The following NELFE variants were observed in gnomAD, a reference collection of about 807,000 sequenced individuals.
The protein encoded by NELFE is negative elongation factor complex member E, also known as negative elongation factor E.
Under a neutral mutation model 55.5 loss-of-function variants are expected in NELFE, and 26 were observed. The observed-to-expected ratio is 0.47, with a 90% CI of 0.34 to 0.65. The LOEUF (loss-of-function observed/expected upper bound fraction) is 0.65. Among genes scored for constraint, NELFE ranks in the 30% least tolerant of loss-of-function variants. NELFE has a pLI of 0.01. For missense variants in NELFE, 403 were observed against 506.9 expected (o/e 0.80, Z 1.97); for synonymous variants, 162 against 178.0 (o/e 0.91, Z 0.72).
In NELFE at chr6:31,954,175, C is replaced by T; in HGVS notation, c.888-41G>A. ...ACACGGTCAGTGGAGAGCCAAGGGGCTCTTCTGGACCCAACCAAACCCAGT... is the reference window on the plus strand; with the variant it reads ...ACACGGTCAGTGGAGAGCCAAGGGGTTCTTCTGGACCCAACCAAACCCAGT... On this transcript the variant is annotated intron_variant, in intron 8 of 10. Transcript: ENST00000375429. This position sits in a 1 kb window ranked among gnomAD's most constrained non-coding sequence, Gnocchi z 5.5. The T allele has an allele frequency of 6.2e-7, 1 of 1,612,994 alleles. No homozygotes were observed.
rs1211875070 is a variant in NELFE, at chr6:31,954,896, G to A, written c.405-4C>T. The A allele has an allele frequency of 1.3e-6, 2 of 1,568,446 alleles. No individual in the cohort carries two copies. Among genetic ancestry groups the A allele is most frequent in the Non-Finnish European group, 1.7e-6 (2 of 1,158,988 alleles). On this transcript the variant is annotated splice_polypyrimidine_tract_variant and splice_region_variant and intron_variant, in intron 6 of 10. Coordinates refer to ENST00000375429, the MANE Select transcript of NELFE (RefSeq NM_002904.6). This position sits in a 1 kb window ranked among gnomAD's most constrained non-coding sequence, Gnocchi z 5.5. ...TCGATCACTAGAAGACACAAAGCTG[G>A]GGAGATGCAGACTGAAGATCAAAGG... is the stretch of plus-strand genomic sequence containing the variant.
Position 31,952,103 on chromosome 6 carries a change from T to G in NELFE, c.*198A>C. Reference sequence around the variant, plus strand: ...GACAACACCTGTGTTCCAGATCCTTTTGGGGCAAGGGAGTGGGGAACAGGC... The same window carrying G: ...GACAACACCTGTGTTCCAGATCCTTGTGGGGCAAGGGAGTGGGGAACAGGC... On this transcript the variant is annotated 3_prime_UTR_variant, in exon 11 of 11. Transcript: ENST00000375429. 1 of 1,597,358 alleles carries G rather than the reference T, an allele frequency of 6.3e-7. No homozygotes were observed. The highest frequency in any genetic ancestry group is 8.6e-7 in the Non-Finnish European group (1 of 1,169,448).
intron 4 of NELFE, 142 bp downstream of exon 4, chr6:31,956,551 T>G: frequency 2.2e-6 from 2 of 893,058 alleles, no homozygotes; most frequent in Non-Finnish European, 3.4e-6. Context: ...AGTCGTCTAG[T>G]TTTTTCATTT....
At chr6:31,952,728 T>C (rs1771847033) in intron 10 of NELFE, among the ~76,000 whole-genome samples, 1 of 152,260 alleles carries the variant, frequency 6.6e-6, no homozygotes, top group Admixed American at 6.5e-5. Flanking sequence ...TTTTTTGACA[T>C]GCTGGTCAAT....
chr6:31,953,004 T>C (rs1582146018), intron 10 of NELFE, among the ~76,000 whole-genome samples: 2 of 152,334 alleles, frequency 1.3e-5, no homozygotes, highest in East Asian at 1.9e-4. Context: ...CCCACCACCC[T>C]TGAGCTACAG....
chr6:31,954,393 G>A lies in NELFE; in HGVS notation c.792C>T (p.Leu264=), dbSNP rs1167501323. ...GTGTCATGTCTTCTCCATATACATA[G>A]AGAGTATTCCCTTTCCTAGGGGCTC... The part of the protein sequence containing the change: ...ERRAPRKGNT[L]YVYGEDMTPT... The change falls in exon 8 of 11, where the codon CTC becomes CTT. Residue 264 remains leucine (L), a synonymous_variant. Coordinates refer to ENST00000375429, the MANE Select transcript of NELFE (RefSeq NM_002904.6). The surrounding 1 kb of genome is among the most constrained non-coding windows in gnomAD (Gnocchi z 5.5). 1.2e-6 allele frequency: 2 copies of A among 1,612,664 alleles called. No homozygotes were observed. The highest frequency in any genetic ancestry group is 2.2e-5 in the East Asian group (1 of 44,884).
intron 10 of NELFE, among the ~76,000 whole-genome samples, chr6:31,953,140 C>A (rs2151790906): frequency 6.6e-6 from 1 of 152,330 alleles, no homozygotes; most frequent in East Asian, 1.9e-4. Context: ...TGCTCCCAGC[C>A]CTCCGACCCC....
At chr6:31,958,203 A>G (rs1772209831) in intron 2 of NELFE, 169 bp downstream of exon 2, 1 of 643,536 alleles carries the variant, frequency 1.6e-6, no homozygotes, top group African/African-American at 1.8e-5. Context: ...AAAAGACAGA[A>G]GGTCCACACC....
chr6:31,954,914 A>ATCAAAGGGGGGTT lies in NELFE; in HGVS notation c.405-35_405-23dup. 1 of 1,574,814 alleles carries ATCAAAGGGGGGTT rather than the reference A, an allele frequency of 6.3e-7. No homozygotes were observed. Among genetic ancestry groups the ATCAAAGGGGGGTT allele is most frequent in the Non-Finnish European group, 8.6e-7 (1 of 1,161,316 alleles). ...AAAGCTGGGGAGATGCAGACTGAAG[A>ATCAAAGGGGGGTT]TCAAAGGGGGGTTTTACCTTCTCCC... On this transcript the variant is annotated intron_variant, in intron 6 of 10. Transcript: ENST00000375429. This position sits in a 1 kb window ranked among gnomAD's most constrained non-coding sequence, Gnocchi z 5.5.
At chr6:31,952,520 C>T (rs1771835866) in intron 10 of NELFE, 122 bp from the exon 11 acceptor site, 1 of 648,262 alleles carries the variant, frequency 1.5e-6, no homozygotes, top group African/African-American at 1.8e-5. Flanking sequence ...CCACGCTGCC[C>T]TCTGGTGGCC....
At chr6:31,953,859 T>C (rs1367337428) in intron 9 of NELFE, 28 bp from the exon 10 acceptor site, 1 of 1,578,170 alleles carries the variant, frequency 6.3e-7, no homozygotes, top group African/African-American at 1.3e-5. Flanking sequence ...AGGCAGAGGA[T>C]GGGGAGGAAA....
chr6:31,954,763 G>C lies in NELFE; in HGVS notation c.534C>G (p.Ser178=), dbSNP rs774058430. 1 of 1,613,082 alleles carries C rather than the reference G, an allele frequency of 6.2e-7. No individual in the cohort carries two copies. Among genetic ancestry groups the C allele is most frequent in the Non-Finnish European group, 8.5e-7 (1 of 1,180,008 alleles). The part of the protein sequence containing the change: ...WGYEERSGAH[S]SASPPRSRSR... ...TGCGGCTTCGGGGAGGGGAGGCTGA[G>C]GAGTGGGCACCACTGCGTTCTTCAT... Residue 178 remains serine, a synonymous_variant, in exon 7 of 11, where the codon TCC becomes TCG. Coordinates refer to ENST00000375429, the MANE Select transcript of NELFE (RefSeq NM_002904.6). The surrounding 1 kb of genome is among the most constrained non-coding windows in gnomAD (Gnocchi z 5.5).
rs1772143396 is a variant in NELFE at position 31,957,238 on chromosome 6, T to A, written c.76-228A>T. On this transcript the variant is annotated intron_variant, in intron 2 of 10. Transcript: ENST00000375429. ...CCAGAGGTTTTCCAGAGTGTTACAT[T>A]TTTGAAGTTGAAGACAAATAACTCA... 1.5e-5 allele frequency: 9 copies of A among 611,738 alleles called. No individual in the cohort carries two copies. In the East Asian group the frequency reaches 2.5e-4, roughly 17 times the overall value. The allele number at this position is 611,738 out of a possible 1,614,324, so 37.9% of individuals were successfully genotyped here. A position where few individuals can be genotyped will look rare whatever the true frequency, so the allele number is the denominator to read the frequency against.
chr6:31,955,167 C>G, intron 5 of NELFE, 52 bp downstream of exon 5: 1 of 1,612,076 alleles, frequency 6.2e-7, no homozygotes. Flanking sequence ...ATATTTGTCT[C>G]TCATATTCCT....
chr6:31,953,029 C>T (rs1007818272), intron 10 of NELFE, among the ~76,000 whole-genome samples: 1 of 152,230 alleles, frequency 6.6e-6, no homozygotes, highest in Non-Finnish European at 1.5e-5. Flanking sequence ...TCTCTCTCAC[C>T]CACTCCCATC....
At chr6:31,955,439 GT>G in intron 4 of NELFE, 146 bp from the exon 5 acceptor site, 1 of 529,514 alleles carries the variant, frequency 1.9e-6, no homozygotes, top group Non-Finnish European at 3.2e-6. Context: ...ATTTGACGTG[GT>G]TTTACTTATT....
chr6:31,957,520 T>C (rs989823751), intron 2 of NELFE: 2 of 454,708 alleles, frequency 4.4e-6, no homozygotes, highest in African/African-American at 4.0e-5. Context: ...GATTTTCTGA[T>C]GTTTAATGGC....
chr6:31,954,881 G>A lies in NELFE; in HGVS notation c.416C>T (p.Ser139Phe). Residue 139 changes from serine (S) to phenylalanine (F), a missense_variant, in exon 7 of 11, where the codon TCT becomes TTT. Physicochemically the swap from Ser to Phe is radical, Grantham distance 155 (BLOSUM62 -2). Around this residue, in one of 3 missense-constraint regions of NELFE, gnomAD observed 229 missense variants for 228.3 expected, o/e 1.00. Transcript: ENST00000375429. The surrounding 1 kb of genome is among the most constrained non-coding windows in gnomAD (Gnocchi z 5.5). ...TCCTAGTTCTCGAAGTCGATCACTA[G>A]AAGACACAAAGCTGGGGAGATGCAG... ...RKSLYESFVS[S>F]SDRLRELGPD... 1 of 1,568,800 alleles carries A rather than the reference G, an allele frequency of 6.4e-7. No individual in the cohort carries two copies. Among genetic ancestry groups the A allele is most frequent in the Non-Finnish European group, 8.6e-7 (1 of 1,159,762 alleles).
chr6:31,958,579 C>A (rs1772242512), intron 1 of NELFE, 125 bp from the exon 2 acceptor site: 4 of 810,568 alleles, frequency 4.9e-6, no homozygotes, highest in Non-Finnish European at 8.5e-6. Context: ...GCTTTCCCTA[C>A]CCCTTGCTTA....
Sources: gnomAD v4.1 joint callset for allele counts (sites outside exome capture counted in the v4.1 genomes callset) on GRCh38, gnomAD v4.1.1 for gene constraint, gnomAD v4.1.1 regional missense constraint, Gnocchi (gnomAD v3.1) non-coding constraint, MANE v1.5 for transcripts, NCBI Gene and HGNC (gene_info 2026-07-23, HGNC 2026-07-21) for gene names.